The following PRR16 variants were observed in gnomAD, a reference collection of about 807,000 sequenced individuals.
PRR16 encodes the protein protein Largen.
Under a neutral mutation model 18.2 loss-of-function variants are expected in PRR16, and 6 were observed. The ratio of observed to expected loss-of-function variants is 0.33; its 90% CI spans 0.18 to 0.65. PRR16 has a LOEUF of 0.65. PRR16 is among the 30% of genes least tolerant of loss of function. The pLI is 0.74. For missense variants in PRR16, 412 were observed against 376.6 expected (o/e 1.09, Z -0.78); for synonymous variants, 151 against 147.8 (o/e 1.02, Z -0.16).
At chr5:120,632,980 A>C (rs966838073) in intron 1 of PRR16, among the ~76,000 whole-genome samples, 1 of 152,196 alleles carries the variant, frequency 6.6e-6, no homozygotes, top group African/African-American at 2.4e-5. Flanking sequence ...GTTAGGAGGC[A>C]AAAGCATCAG....
chr5:120,615,874 C>G lies in PRR16; in HGVS notation c.160-70080C>G, dbSNP rs77196856. ...AGGGTTCCTAGCACATACTCAGTTC[C>G]CAGTGAGAGTTTATTGACTATATTC... On this transcript the variant is annotated intron_variant, in intron 1 of 1. Transcript: ENST00000407149. Among the ~76,000 whole-genome samples the G allele has an allele frequency of 3.0e-3, 460 of 152,134 alleles. 2 individuals carry two copies. Among genetic ancestry groups the G allele is most frequent in the African/African-American group, 0.011 (437 of 41,494 alleles).
intron 1 of PRR16, among the ~76,000 whole-genome samples, chr5:120,668,069 C>T (rs1207744632): frequency 6.6e-6 from 1 of 152,002 alleles, no homozygotes; most frequent in Non-Finnish European, 1.5e-5. Flanking sequence ...AAGTCTCCCA[C>T]TATTATTGTG....
intron 1 of PRR16, among the ~76,000 whole-genome samples, chr5:120,529,825 C>T (rs1283224041): frequency 6.6e-6 from 1 of 151,976 alleles, no homozygotes; most frequent in Non-Finnish European, 1.5e-5. Flanking sequence ...ATCTAGTTAC[C>T]ATGGTAACTT....
At chr5:120,703,415 A>T in the PRR16 span, among the ~76,000 whole-genome samples, 2 of 152,206 alleles carry the variant, frequency 1.3e-5, no homozygotes, top group Non-Finnish European at 2.9e-5. Flanking sequence ...CCTGACATAC[A>T]TCAAATTTAT....
chr5:120,538,879 A>G (rs1751815844), intron 1 of PRR16, among the ~76,000 whole-genome samples: 2 of 152,142 alleles, frequency 1.3e-5, no homozygotes, highest in Non-Finnish European at 2.9e-5. Flanking sequence ...CTGCTGGGAG[A>G]AAGTGTTGGC....
At chr5:120,731,368 A>G in the PRR16 span, among the ~76,000 whole-genome samples, 1 of 152,150 alleles carries the variant, frequency 6.6e-6, no homozygotes, top group Admixed American at 6.6e-5. Flanking sequence ...AATTCCAATA[A>G]AATTTGGGGA....
At chr5:120,691,090 T>C (rs907237781), downstream of PRR16, among the ~76,000 whole-genome samples, 49 of 152,160 alleles carry the variant, frequency 3.2e-4, no homozygotes, top group African/African-American at 1.2e-3. Context: ...TAGGAATTAG[T>C]ACACTTATTT....
At chr5:120,719,166 C>T in the PRR16 span, among the ~76,000 whole-genome samples, 4 of 151,864 alleles carry the variant, frequency 2.6e-5, no homozygotes, top group African/African-American at 9.7e-5. Flanking sequence ...ATATACTTTT[C>T]TTGGGATATA....
At chr5:120,515,250 T>G (rs1304338720) in intron 1 of PRR16, among the ~76,000 whole-genome samples, 1 of 152,142 alleles carries the variant, frequency 6.6e-6, no homozygotes, top group African/African-American at 2.4e-5. Context: ...ACCCCCATGA[T>G]AATCACATTA....
intron 1 of PRR16, among the ~76,000 whole-genome samples, chr5:120,624,043 T>G (rs1166136274): frequency 3.9e-5 from 6 of 152,178 alleles, no homozygotes; most frequent in Non-Finnish European, 7.3e-5. Context: ...TGCATCACTA[T>G]CTTCCCAAGG....
At chr5:120,646,786 C>T (rs568584667) in intron 1 of PRR16, among the ~76,000 whole-genome samples, 1 of 151,798 alleles carries the variant, frequency 6.6e-6, no homozygotes, top group African/African-American at 2.4e-5. Context: ...ACATATCTAA[C>T]AATGTTACAG....
intron 1 of PRR16, among the ~76,000 whole-genome samples, chr5:120,496,466 A>C (rs10064951): frequency 0.3 from 44,827 of 151,482 alleles, 7,680 homozygotes; most frequent in African/African-American, 0.48. Flanking sequence ...TGATGTATTA[A>C]ATGTAAGTTG....
chr5:120,661,506 CT>C (rs113193786), intron 1 of PRR16, among the ~76,000 whole-genome samples: 3 of 151,330 alleles, frequency 2.0e-5, no homozygotes, highest in Admixed American at 1.3e-4. Flanking sequence ...CTTGAATACT[CT>C]TTTTTTTTCT....
chr5:120,667,093 C>G (rs951193835), intron 1 of PRR16, among the ~76,000 whole-genome samples: 1 of 152,084 alleles, frequency 6.6e-6, no homozygotes, highest in African/African-American at 2.4e-5. Flanking sequence ...TGGTCCTGGA[C>G]TCCTTTTGGT....
intron 1 of PRR16, among the ~76,000 whole-genome samples, chr5:120,650,308 C>G (rs992873155): frequency 3.3e-5 from 5 of 150,276 alleles, no homozygotes; most frequent in African/African-American, 1.2e-4. Context: ...TTCAGATTAT[C>G]AAATGATTTT....
At chr5:120,794,078 C>G in the PRR16 span, among the ~76,000 whole-genome samples, 1 of 152,052 alleles carries the variant, frequency 6.6e-6, no homozygotes, top group African/African-American at 2.4e-5. Flanking sequence ...CCTGAAAAGA[C>G]TAAGATGACA....
chr5:120,780,577 A>G, the PRR16 span, among the ~76,000 whole-genome samples: 5 of 152,214 alleles, frequency 3.3e-5, no homozygotes, highest in Non-Finnish European at 7.3e-5. Flanking sequence ...CCTAAAATGT[A>G]TATAATAATA....
chr5:120,528,138 G>A (rs1751429405), intron 1 of PRR16, among the ~76,000 whole-genome samples: 2 of 152,166 alleles, frequency 1.3e-5, no homozygotes, highest in Admixed American at 6.5e-5. Context: ...GATGGATAGA[G>A]TGTCATTTGC....
intron 1 of PRR16, among the ~76,000 whole-genome samples, chr5:120,674,595 A>G (rs1168831953): frequency 2.6e-5 from 4 of 152,072 alleles, no homozygotes; most frequent in African/African-American, 9.6e-5. Flanking sequence ...CTTGAAATTG[A>G]CTTTTCTTTA....
Sources: gnomAD v4.1 joint callset for allele counts (sites outside exome capture counted in the v4.1 genomes callset) on GRCh38, gnomAD v4.1.1 for gene constraint, MANE v1.5 for transcripts, NCBI Gene and HGNC (gene_info 2026-07-23, HGNC 2026-07-21) for gene names.